SIRPA: variants seen among roughly 807,000 people sequenced by gnomAD.
SIRPA encodes signal regulatory protein alpha.
A neutral mutation model predicts 50.3 loss-of-function variants in SIRPA; 9 were observed. The observed-to-expected ratio is 0.18, with a 90% confidence interval of 0.11 to 0.31. The LOEUF is 0.31. Among genes scored for constraint, SIRPA ranks in the 10% least tolerant of loss-of-function variants. SIRPA has a pLI of 1.00. For synonymous variants in SIRPA, 265 were observed against 284.1 expected (o/e 0.93, Z 0.68); for missense variants, 474 against 661.6 (o/e 0.72, Z 3.11).
Position 1,927,992 on chromosome 20 carries a change from C to CAACACATTGGTGAGG in SIRPA, c.1226+93_1226+94insAACACATTGGTGAGG. 1 of 1,043,938 alleles carries CAACACATTGGTGAGG rather than the reference C, an allele frequency of 9.6e-7. No homozygotes were observed. Among genetic ancestry groups the CAACACATTGGTGAGG allele is most frequent in the Non-Finnish European group, 1.5e-6 (1 of 660,116 alleles). The allele number at this position is 1,043,938 out of a possible 1,614,324, so 64.7% of individuals were successfully genotyped here. A position where few individuals can be genotyped will look rare whatever the true frequency, so the allele number is the denominator to read the frequency against. On this transcript the variant is annotated intron_variant, in intron 6 of 7. Transcript: ENST00000358771. The surrounding 1 kb of genome is among the most constrained non-coding windows in gnomAD (Gnocchi z 6.5). ...CAAAGCATAATCCATGTCCACTGAC[C>CAACACATTGGTGAGG]TCACCAATGTGTTGGTCAACATGTC...
In SIRPA at chr20:1,915,412, C is replaced by T. The variant is rs374711285; in HGVS notation, c.393C>T (p.Asp131=). 62 of 1,601,522 alleles carry T rather than the reference C, an allele frequency of 3.9e-5. No individual in the cohort carries two copies. Among genetic ancestry groups the T allele is most frequent in the South Asian group, 1.3e-4 (12 of 90,438 alleles). Residue 131 remains aspartate, a synonymous_variant, in exon 2 of 8, where the codon GAC becomes GAT. Transcript: ENST00000358771. ...AGTTCCGGAAAGGGAGCCCCGATGACGTGGAGTTTAAGTCTGGAGCAGGCA... is the reference window on the plus strand; with the variant it reads ...AGTTCCGGAAAGGGAGCCCCGATGATGTGGAGTTTAAGTCTGGAGCAGGCA... ...CVKFRKGSPD[D]VEFKSGAGTE...
intron 4 of SIRPA, among the ~76,000 whole-genome samples, chr20:1,923,986 T>C (rs750462235): frequency 2.0e-5 from 2 of 97,768 alleles, no homozygotes; most frequent in African/African-American, 7.8e-5. Flanking sequence ...GGCTGGTTGG[T>C]TGGTTGGTTG....
chr20:1,903,026 A>AAAAG (rs1984324031), intron 1 of SIRPA, among the ~76,000 whole-genome samples: 1 of 139,366 alleles, frequency 7.2e-6, no homozygotes, highest in Non-Finnish European at 1.5e-5. Flanking sequence ...AAAAAAAAAA[A>AAAAG]AAAAAAGAAA....
Position 1,928,425 on chromosome 20 carries a change from T to G in SIRPA, c.1226+526T>G, listed in dbSNP as rs1986118977. On this transcript the variant is annotated intron_variant, in intron 6 of 7. Transcript: ENST00000358771. The surrounding 1 kb of genome is among the most constrained non-coding windows in gnomAD (Gnocchi z 4.9). ...CGTCACCGATGGCACTTTAGTTTGT[T>G]GATTCACATTTTTAGTGACTTGAGT... Among the ~76,000 whole-genome samples, 1 of 152,192 alleles carries G rather than the reference T, an allele frequency of 6.6e-6. No homozygotes were observed. Among genetic ancestry groups the G allele is most frequent in the African/African-American group, 2.4e-5 (1 of 41,446 alleles).
At position 1,914,944 on chromosome 20, in the gene SIRPA, G is replaced by A. The variant is rs533069432; in HGVS notation, c.80-155G>A. On this transcript the variant is annotated intron_variant, in intron 1 of 7. Coordinates refer to ENST00000358771, the MANE Select transcript of SIRPA (RefSeq NM_001040023.2). The stretch of plus-strand genomic sequence containing the variant: ...GAATACAGGCTCATGTTGCAGGTTT[G>A]TTGTGAGGGTCAAATGAGATGATAC... 1.0e-3 allele frequency among the ~76,000 whole-genome samples: 157 copies of A among 152,198 alleles called. 1 individual carries two copies. Among genetic ancestry groups the A allele is most frequent in the African/African-American group, 3.7e-3 (153 of 41,528 alleles).
chr20:1,899,987 T>A (rs749546670), intron 1 of SIRPA, among the ~76,000 whole-genome samples: 2 of 152,224 alleles, frequency 1.3e-5, no homozygotes, highest in Non-Finnish European at 2.9e-5. Flanking sequence ...GGGACGGATT[T>A]TCATAAAACA....
At chr20:1,915,526 T>C in intron 2 of SIRPA, 71 bp downstream of exon 2, 1 of 1,549,670 alleles carries the variant, frequency 6.5e-7, no homozygotes, top group Non-Finnish European at 8.9e-7. Context: ...CTCCATTCTT[T>C]GAGCAATGAT....
Position 1,898,132 on chromosome 20 carries a change from T to G in SIRPA, c.79+2606T>G, listed in dbSNP as rs1480126328. On this transcript the variant is annotated intron_variant, in intron 1 of 7. Transcript: ENST00000358771. This position sits in a 1 kb window ranked among gnomAD's most constrained non-coding sequence, Gnocchi z 4.3. Reference sequence around the variant, plus strand: ...TGGAGGAGGCCAAGCCAAGTTGCAGTTCAGGCTCTGGGGAGCAGCGGGGCC... The same window carrying G: ...TGGAGGAGGCCAAGCCAAGTTGCAGGTCAGGCTCTGGGGAGCAGCGGGGCC... 2.6e-5 allele frequency among the ~76,000 whole-genome samples: 4 copies of G among 152,214 alleles called. No individual in the cohort carries two copies. Among genetic ancestry groups the G allele is most frequent in the Admixed American group, 2.0e-4 (3 of 15,280 alleles).
At chr20:1,916,168 G>A (rs1436310281) in intron 2 of SIRPA, among the ~76,000 whole-genome samples, 2 of 152,186 alleles carry the variant, frequency 1.3e-5, no homozygotes, top group African/African-American at 4.8e-5. Context: ...CAGGGAGGAG[G>A]TCTCCCTTCT....
intron 1 of SIRPA, among the ~76,000 whole-genome samples, chr20:1,904,975 A>G (rs1600399317): frequency 6.6e-6 from 1 of 152,142 alleles, no homozygotes; most frequent in Admixed American, 6.5e-5. Flanking sequence ...GTGTCTTCCC[A>G]GCTCTGAGCC....
Position 1,939,734 on chromosome 20 carries a change from G to A in SIRPA, c.*2166G>A, listed in dbSNP as rs1164930707. On this transcript the variant is annotated 3_prime_UTR_variant, in exon 8 of 8. Coordinates refer to ENST00000358771, the MANE Select transcript of SIRPA (RefSeq NM_001040023.2). This position sits in a 1 kb window ranked among gnomAD's most constrained non-coding sequence, Gnocchi z 4.7. ...ACATACCTTGTGTATTGAACCCCAG[G>A]AAAAGGAAGAGGTCGAACCAACCCT... 6.6e-6 allele frequency: 1 copy of A among 152,632 alleles called. No individual in the cohort carries two copies. The highest frequency in any genetic ancestry group is 1.5e-5 in the Non-Finnish European group (1 of 68,050). 9.5% of individuals were successfully genotyped at this position (152,632 alleles called of 1,614,324 possible).
At chr20:1,917,726 G>A (rs1985387495) in intron 2 of SIRPA, among the ~76,000 whole-genome samples, 1 of 152,150 alleles carries the variant, frequency 6.6e-6, no homozygotes, top group Non-Finnish European at 1.5e-5. Flanking sequence ...ACCTACTCAC[G>A]GTGCTGAGGA....
At chr20:1,923,042 C>G (rs901213461) in intron 4 of SIRPA, among the ~76,000 whole-genome samples, 4 of 152,164 alleles carry the variant, frequency 2.6e-5, no homozygotes, top group Admixed American at 6.5e-5. Flanking sequence ...GCCTGCCCCA[C>G]TGGAAGCCAG....
intron 6 of SIRPA, among the ~76,000 whole-genome samples, chr20:1,931,544 C>G (rs1191146165): frequency 6.6e-6 from 1 of 152,180 alleles, no homozygotes; most frequent in Non-Finnish European, 1.5e-5. Flanking sequence ...TCCCTTTCAT[C>G]TCTCTAAACC....
rs6045554 is a variant in SIRPA, at chr20:1,938,781, T to C, written c.*1213T>C. 0.98 allele frequency: 149,638 copies of C among 152,600 alleles called. 73,377 individuals are homozygous for C. Among genetic ancestry groups the C allele is most frequent in the East Asian group, 1 (5,165 of 5,166 alleles). The allele number at this position is 152,600 out of a possible 1,614,324, so 9.5% of individuals were successfully genotyped here. A position where few individuals can be genotyped will look rare whatever the true frequency, so the allele number is the denominator to read the frequency against. ...ACAGTGCAGTCTTATCGAGACCCAA[T>C]GCCTCAGTCTGCTCATCCGTAAAGT... On this transcript the variant is annotated 3_prime_UTR_variant, in exon 8 of 8. Transcript: ENST00000358771.
Position 1,933,934 on chromosome 20 carries a change from T to C in SIRPA, c.1227-781T>C, listed in dbSNP as rs1399589943. ...TCTTGGTCTTTTTCTTTTCTTTCTT[T>C]AATGATGATACATAGATGTTTATAA... On this transcript the variant is annotated intron_variant, in intron 6 of 7. Coordinates refer to ENST00000358771, the MANE Select transcript of SIRPA (RefSeq NM_001040023.2). This position sits in a 1 kb window ranked among gnomAD's most constrained non-coding sequence, Gnocchi z 4.4. 6.6e-6 allele frequency among the ~76,000 whole-genome samples: 1 copy of C among 152,156 alleles called. No individual in the cohort carries two copies. The highest frequency in any genetic ancestry group is 1.9e-4 in the East Asian group (1 of 5,200).
intron 1 of SIRPA, among the ~76,000 whole-genome samples, chr20:1,902,685 A>T (rs1014172381): frequency 6.6e-6 from 1 of 152,130 alleles, no homozygotes; most frequent in Non-Finnish European, 1.5e-5. Flanking sequence ...GGACAGAGGG[A>T]GGGCCGCTCT....
Position 1,939,941 on chromosome 20 carries a change from G to C in SIRPA, c.*2373G>C, listed in dbSNP as rs1252320124. On this transcript the variant is annotated 3_prime_UTR_variant, in exon 8 of 8. Transcript: ENST00000358771. The surrounding 1 kb of genome is among the most constrained non-coding windows in gnomAD (Gnocchi z 4.7). ...CTTGTCTTTGTGAGTGCGTCCCGGG[G>C]CCGCCTCGGGGCCTGCCTGCCCTCC... The C allele has an allele frequency of 6.6e-6, 1 of 152,560 alleles. No individual in the cohort carries two copies. Among genetic ancestry groups the C allele is most frequent in the African/African-American group, 2.4e-5 (1 of 41,462 alleles). The allele number at this position is 152,560 out of a possible 1,614,324, so 9.5% of individuals were successfully genotyped here.
Position 1,927,857 on chromosome 20 carries a change from G to A in SIRPA, c.1202-18G>A, listed in dbSNP as rs754653187. On this transcript the variant is annotated intron_variant, in intron 5 of 7. Transcript: ENST00000358771. This position sits in a 1 kb window ranked among gnomAD's most constrained non-coding sequence, Gnocchi z 6.5. ...GCTTCTAGTTAAACAACTGGCTTTT[G>A]TTTCTTTTGTCTTTCAGCCCAGGGC... 2.5e-6 allele frequency: 4 copies of A among 1,613,666 alleles called. No homozygotes were observed. The highest frequency in any genetic ancestry group is 3.4e-6 in the Non-Finnish European group (4 of 1,179,574).
Sources: allele counts gnomAD v4.1 joint callset (sites outside exome capture counted in the v4.1 genomes callset), GRCh38; gene constraint gnomAD v4.1.1; non-coding constraint Gnocchi (gnomAD v3.1); transcripts MANE v1.5; gene names NCBI Gene and HGNC (gene_info 2026-07-23, HGNC 2026-07-21).